Variants in ARFIP1 observed in about 807,000 individuals in gnomAD.
The protein encoded by ARFIP1 is ARF interacting protein 1.
A neutral mutation model predicts 42.5 loss-of-function variants in ARFIP1; 24 were observed. The observed-to-expected ratio is 0.57, with a 90% CI of 0.41 to 0.80. ARFIP1 has a LOEUF of 0.80. Ranked by LOEUF, ARFIP1 falls within the 30% of genes least tolerant of loss-of-function variation. ARFIP1 has a pLI of 0.00. For synonymous variants in ARFIP1, 141 were observed against 153.7 expected (o/e 0.92, Z 0.61); for missense variants, 354 against 434.0 (o/e 0.82, Z 1.64).
At chr4:152,907,801 G>A (rs1738495792) in intron 8 of ARFIP1, among the ~76,000 whole-genome samples, 1 of 152,006 alleles carries the variant, frequency 6.6e-6, no homozygotes, top group African/African-American at 2.4e-5. Flanking sequence ...ACTTTGTGGT[G>A]GTTTTCTTGC....
intron 1 of ARFIP1, among the ~76,000 whole-genome samples, chr4:152,827,146 A>G (rs908164339): frequency 6.6e-6 from 1 of 152,262 alleles, no homozygotes; most frequent in African/African-American, 2.4e-5. Flanking sequence ...ATAGGTTAAG[A>G]TGGTAATTTT....
chr4:152,818,045 G>A (rs372961100), intron 1 of ARFIP1, among the ~76,000 whole-genome samples: 14 of 152,208 alleles, frequency 9.2e-5, no homozygotes. Flanking sequence ...AAACAGTATG[G>A]TGGTTTCCCA....
At chr4:152,835,228 CTGCTT>C (rs1285951732) in intron 2 of ARFIP1, among the ~76,000 whole-genome samples, 1 of 152,218 alleles carries the variant, frequency 6.6e-6, no homozygotes, top group Non-Finnish European at 1.5e-5. Context: ...CTTTTATGCT[CTGCTT>C]TCCTTTTAAA....
At chr4:152,806,045 C>T (rs1164933612) in intron 1 of ARFIP1, among the ~76,000 whole-genome samples, 1 of 152,176 alleles carries the variant, frequency 6.6e-6, no homozygotes, top group Non-Finnish European at 1.5e-5. Context: ...ACTTGGCAAA[C>T]CAGTTATGCC....
chr4:152,881,667 G>A (rs1222624697), intron 6 of ARFIP1, among the ~76,000 whole-genome samples: 9 of 151,954 alleles, frequency 5.9e-5, no homozygotes, highest in Non-Finnish European at 2.9e-5. Context: ...CTTTTTATGT[G>A]GTCCTTTATC....
At chr4:152,830,282 G>A (rs1259656514) in intron 2 of ARFIP1, among the ~76,000 whole-genome samples, 1 of 152,120 alleles carries the variant, frequency 6.6e-6, no homozygotes, top group Non-Finnish European at 1.5e-5. Flanking sequence ...ATTTCTAGCA[G>A]TATAACCTTG....
chr4:152,901,292 C>A (rs1293274663), intron 8 of ARFIP1, among the ~76,000 whole-genome samples: 1 of 152,132 alleles, frequency 6.6e-6, no homozygotes, highest in Non-Finnish European at 1.5e-5. Context: ...TCTATTGATA[C>A]ATGCTGTGTA....
intron 8 of ARFIP1, among the ~76,000 whole-genome samples, chr4:152,900,131 GGAAGGAAGAAAA>G (rs1376292065): frequency 6.6e-6 from 1 of 151,930 alleles, no homozygotes; most frequent in Non-Finnish European, 1.5e-5. Context: ...AAGGAAGGGT[GGAAGGAAGAAAA>G]GGAGGGAGAA....
chr4:152,898,023 G>A (rs529942237), intron 8 of ARFIP1, among the ~76,000 whole-genome samples: 6 of 133,128 alleles, frequency 4.5e-5, no homozygotes, highest in Admixed American at 9.1e-5. Flanking sequence ...TCGCTCTGTC[G>A]CCCAGGCTGG....
intron 1 of ARFIP1, among the ~76,000 whole-genome samples, chr4:152,825,225 A>G (rs1730736552): frequency 6.6e-6 from 1 of 152,152 alleles, no homozygotes; most frequent in African/African-American, 2.4e-5. Flanking sequence ...ATATGGAACC[A>G]AAAAAGAGCC....
At chr4:152,804,855 C>T (rs1728879175) in intron 1 of ARFIP1, among the ~76,000 whole-genome samples, 1 of 152,048 alleles carries the variant, frequency 6.6e-6, no homozygotes, top group Admixed American at 6.6e-5. Context: ...AATGCTAGCT[C>T]TTATTGTTGT....
intron 1 of ARFIP1, among the ~76,000 whole-genome samples, chr4:152,784,989 C>G (rs189726590): frequency 1.1e-3 from 161 of 152,260 alleles, no homozygotes; most frequent in African/African-American, 3.7e-3. Context: ...CCTAAATCTT[C>G]CAGAGGAGGG....
In ARFIP1 at chr4:152,840,218, ATTC is replaced by A. The variant is rs1471339083; in HGVS notation, c.93+10494_93+10496del. On this transcript the variant is annotated intron_variant, in intron 2 of 8. Coordinates refer to ENST00000353617, the MANE Select transcript of ARFIP1 (RefSeq NM_001025595.3). ...CCACGCGCTGTTGAATAGAATGTGT[ATTC>A]TGTGGTGGTTGGATGAAATGTTCTA... Among the ~76,000 whole-genome samples, 9 of 152,190 alleles carry A rather than the reference ATTC, an allele frequency of 5.9e-5. No individual in the cohort carries two copies. The East Asian group carries it at 1.5e-3, about 26-fold the overall frequency.
At chr4:152,842,769 AT>A (rs775544875) in intron 2 of ARFIP1, among the ~76,000 whole-genome samples, 11 of 151,858 alleles carry the variant, frequency 7.2e-5, no homozygotes, top group Non-Finnish European at 1.5e-4. Context: ...TGAATTTTTT[AT>A]TGTTTTTCCT....
At chr4:152,804,773 T>A (rs1728873821) in intron 1 of ARFIP1, among the ~76,000 whole-genome samples, 3 of 151,826 alleles carry the variant, frequency 2.0e-5, no homozygotes, top group African/African-American at 7.3e-5. Flanking sequence ...GTGAGTAGAA[T>A]TAAATCAGTT....
At chr4:152,902,802 T>C (rs376854330) in intron 8 of ARFIP1, among the ~76,000 whole-genome samples, 17 of 152,230 alleles carry the variant, frequency 1.1e-4, no homozygotes, top group African/African-American at 3.9e-4. Flanking sequence ...CACCTCACTT[T>C]CTTTGTCTCT....
intron 5 of ARFIP1, among the ~76,000 whole-genome samples, chr4:152,874,687 A>C (rs993174402): frequency 6.6e-6 from 1 of 151,946 alleles, no homozygotes; most frequent in Non-Finnish European, 1.5e-5. Context: ...GTTTGTGTAG[A>C]TAGGTCTCAC....
intron 1 of ARFIP1, among the ~76,000 whole-genome samples, chr4:152,808,283 A>ATTTT (rs61135783): frequency 0.015 from 309 of 20,292 alleles, 67 homozygotes; most frequent in African/African-American, 0.036. Flanking sequence ...CCTGGCCTCC[A>ATTTT]TTTTTTTTTT....
chr4:152,856,046 T>C (rs560213383), intron 2 of ARFIP1, among the ~76,000 whole-genome samples: 45 of 152,324 alleles, frequency 3.0e-4, no homozygotes, highest in African/African-American at 7.9e-4. Context: ...ATGCCTCTAA[T>C]CAGCCATCTT....
Sources: allele counts gnomAD v4.1 joint callset (sites outside exome capture counted in the v4.1 genomes callset), GRCh38; gene constraint gnomAD v4.1.1; transcripts MANE v1.5; gene names NCBI Gene and HGNC (gene_info 2026-07-23, HGNC 2026-07-21).